The following PSPH variants were observed in gnomAD, a reference collection of about 807,000 sequenced individuals.
The protein encoded by PSPH is L-3-phosphoserine phosphatase.
Under a neutral mutation model 23.4 loss-of-function variants are expected in PSPH, and 16 were observed. The observed-to-expected ratio is 0.68, with a 90% CI of 0.46 to 1.04. PSPH has a LOEUF of 1.04. Among genes scored for constraint, PSPH ranks in the 50% least tolerant of loss-of-function variants. The pLI is 0.00. For missense variants in PSPH, 223 were observed against 273.7 expected, an observed-to-expected ratio of 0.81 and a Z score of 1.31; for synonymous variants, 68 against 99.7, an observed-to-expected ratio of 0.68 and a Z score of 1.89.
At chr7:56,019,017 C>T (rs1351656543) in intron 5 of PSPH, among the ~76,000 whole-genome samples, 1 of 151,088 alleles carries the variant, frequency 6.6e-6, no homozygotes, top group East Asian at 1.9e-4. Context: ...GTGGCATGCA[C>T]CTGTAGTCCC....
chr7:56,028,041 C>G (rs1790462499), intron 3 of PSPH, among the ~76,000 whole-genome samples: 1 of 149,728 alleles, frequency 6.7e-6, no homozygotes, highest in Non-Finnish European at 1.5e-5. Context: ...AGAGTGAGAC[C>G]CTGCCTCAAA....
intron 4 of PSPH, 110 bp downstream of exon 4, chr7:56,020,963 G>T: frequency 7.6e-7 from 1 of 1,314,486 alleles, no homozygotes; most frequent in Non-Finnish European, 1.1e-6. Context: ...AGGAATGAAA[G>T]AAAAAGCCTA....
chr7:56,018,008 C>A (rs927153753), intron 5 of PSPH, among the ~76,000 whole-genome samples: 1 of 151,782 alleles, frequency 6.6e-6, no homozygotes, highest in African/African-American at 2.4e-5. Context: ...CATGCATGAG[C>A]CACCATGCCC....
At chr7:56,037,261 G>C (rs1791843214) in intron 1 of PSPH, among the ~76,000 whole-genome samples, 1 of 150,584 alleles carries the variant, frequency 6.6e-6, no homozygotes, top group Non-Finnish European at 1.5e-5. Context: ...TGAAGACAAA[G>C]GCATAATTAC....
At chr7:56,020,675 G>A (rs564123082) in intron 4 of PSPH, among the ~76,000 whole-genome samples, 24 of 150,700 alleles carry the variant, frequency 1.6e-4, no homozygotes, top group African/African-American at 4.9e-4. Context: ...GACTGGGACT[G>A]CAGAGGGAGG....
At chr7:56,039,178 T>C (rs1437570309) in intron 1 of PSPH, among the ~76,000 whole-genome samples, 2 of 147,676 alleles carry the variant, frequency 1.4e-5, no homozygotes, top group East Asian at 4.0e-4. Flanking sequence ...ATGACACATA[T>C]ATAAGAATTC....
chr7:56,047,868 A>T (rs919765202), intron 1 of PSPH, among the ~76,000 whole-genome samples: 1 of 152,096 alleles, frequency 6.6e-6, no homozygotes, highest in Non-Finnish European at 1.5e-5. Context: ...GTGTTGCACC[A>T]TGTTGGCCAG....
intron 1 of PSPH, among the ~76,000 whole-genome samples, chr7:56,042,971 G>T (rs1792748700): frequency 6.6e-6 from 1 of 152,094 alleles, no homozygotes; most frequent in Admixed American, 6.6e-5. Flanking sequence ...TGAAATTAGA[G>T]AAAAAATGAT....
chr7:56,034,281 G>A lies in PSPH; in HGVS notation c.-291-175C>T, dbSNP rs533515105. 3 of 152,332 alleles carry A rather than the reference G, an allele frequency of 2.0e-5. No homozygotes were observed. The South Asian group carries it at 6.2e-4, about 32-fold the overall frequency. 9.4% of individuals were successfully genotyped at this position (152,332 alleles called of 1,614,324 possible). A position where few individuals can be genotyped will look rare whatever the true frequency, so the allele number is the denominator to read the frequency against. On this transcript the variant is annotated intron_variant, in intron 1 of 7. Transcript: ENST00000275605. ...GGGGCTCAGCCCCTGCAGTCTGAGA[G>A]GTGCACGGTGCCTGTGGCACCTCCG...
Position 56,017,320 on chromosome 7 carries a change from A to G in PSPH, c.335T>C (p.Phe112Ser), listed in dbSNP as rs1295866707. The change falls in exon 6 of 8, where the codon TTT becomes TCT. Residue 112 changes from phenylalanine (F) to serine (S), a missense_variant. Coordinates refer to ENST00000275605, the MANE Select transcript of PSPH (RefSeq NM_004577.4). Reference sequence around the variant, plus strand: ...AGCAACATGCTCTACAATACTCCTAAAGCCACCAGATATTAGGAAAACCTG... The same window carrying G: ...AGCAACATGCTCTACAATACTCCTAGAGCCACCAGATATTAGGAAAACCTG... ...NVQVFLISGG[F>S]RSIVEHVASK... The G allele has an allele frequency of 1.2e-6, 2 of 1,613,856 alleles. No individual in the cohort carries two copies. The highest frequency in any genetic ancestry group is 4.5e-5 in the East Asian group (2 of 44,866).
At chr7:56,038,255 G>A (rs1481358128) in intron 1 of PSPH, among the ~76,000 whole-genome samples, 4 of 146,546 alleles carry the variant, frequency 2.7e-5, no homozygotes, top group African/African-American at 1.0e-4. Context: ...TGGCTAACAC[G>A]GTGAAACCCC....
intron 1 of PSPH, among the ~76,000 whole-genome samples, chr7:56,038,820 G>A (rs1792084217): frequency 1.3e-5 from 2 of 151,814 alleles, no homozygotes; most frequent in South Asian, 2.1e-4. Flanking sequence ...CAGCCTGGGT[G>A]ACAGAGTGAG....
rs201419960 is a variant in PSPH at position 56,021,085 on chromosome 7, G to A, written c.128C>T (p.Ala43Val). ...ATGCTATCCCTACATTTCTGACACC[G>A]CGTCCTCAACGCCACAGATTTTGGC... ...ELAKICGVED[A>V]VSEMTRRAMG... Residue 43 changes from alanine to valine, a missense_variant, in exon 4 of 8, where the codon GCG (alanine) becomes GTG (valine). Coordinates refer to ENST00000275605, the MANE Select transcript of PSPH (RefSeq NM_004577.4). 39 of 1,613,828 alleles carry A rather than the reference G, an allele frequency of 2.4e-5. No homozygotes were observed. Among genetic ancestry groups the A allele is most frequent in the Middle Eastern group, 1.6e-4 (1 of 6,062 alleles).
intron 6 of PSPH, among the ~76,000 whole-genome samples, chr7:56,016,036 C>A (rs759540835): frequency 3.3e-5 from 5 of 151,932 alleles, no homozygotes; most frequent in Non-Finnish European, 5.9e-5. Flanking sequence ...TCAATTATTT[C>A]TATTTTTACA....
At position 56,051,408 on chromosome 7, in the gene PSPH, A is replaced by C. The variant is rs1794023476; in HGVS notation, c.-562T>G. Reference sequence around the variant, plus strand: ...ACTCGCGTGTGGCCCCACGGCACCTAGGGCACCGTCGAGCACACGGTCCGG... The same window carrying C: ...ACTCGCGTGTGGCCCCACGGCACCTCGGGCACCGTCGAGCACACGGTCCGG... On this transcript the variant is annotated 5_prime_UTR_variant, in exon 1 of 8. Coordinates refer to ENST00000275605, the MANE Select transcript of PSPH (RefSeq NM_004577.4). 5.0e-6 allele frequency: 1 copy of C among 200,252 alleles called. No individual in the cohort carries two copies. The highest frequency in any genetic ancestry group is 2.4e-5 in the African/African-American group (1 of 41,770). The allele number at this position is 200,252 out of a possible 1,614,324, so 12.4% of individuals were successfully genotyped here.
In PSPH at chr7:56,051,348, A is replaced by G. The variant is rs1794016966; in HGVS notation, c.-502T>C. On this transcript the variant is annotated 5_prime_UTR_variant, in exon 1 of 8. Coordinates refer to ENST00000275605, the MANE Select transcript of PSPH (RefSeq NM_004577.4). ...TATCTTCATCTTCGCTAGGCCTCAC[A>G]GCACCGCATGATTCCGGGGGAGGGT... 2 of 175,106 alleles carry G rather than the reference A, an allele frequency of 1.1e-5. No homozygotes were observed. Among genetic ancestry groups the G allele is most frequent in the South Asian group, 1.1e-4 (1 of 9,126 alleles). 10.8% of individuals were successfully genotyped at this position (175,106 alleles called of 1,614,324 possible).
Position 56,011,868 on chromosome 7 carries a change from T to C in PSPH, c.572A>G (p.Asp191Gly). ...ATDMEACPPA[D>G]AFIGFGGNVI... ...ATTTCCTCCAAATCCAATGAAAGCA[T>C]CCTAAGAAGGAAGAAAAGAGAGAGA... is the stretch of plus-strand genomic sequence containing the variant. Residue 191 changes from aspartate (D) to glycine (G), a missense_variant and splice_region_variant, in exon 8 of 8, where the codon GAT becomes GGT. By Grantham distance (94) the Asp-to-Gly change is moderately conservative. Transcript: ENST00000275605. 6.2e-7 allele frequency: 1 copy of C among 1,600,862 alleles called. No individual in the cohort carries two copies. The highest frequency in any genetic ancestry group is 8.6e-7 in the Non-Finnish European group (1 of 1,168,214).
intron 3 of PSPH, among the ~76,000 whole-genome samples, 178 bp downstream of exon 3, chr7:56,031,751 T>C (rs182822497): frequency 1.3e-3 from 195 of 152,072 alleles, no homozygotes; most frequent in Admixed American, 3.2e-3. Context: ...GAGGTGGAGG[T>C]TGCAGTAAGC....
At chr7:56,019,172 T>A (rs1788979167) in intron 5 of PSPH, among the ~76,000 whole-genome samples, 2 of 152,084 alleles carry the variant, frequency 1.3e-5, no homozygotes, top group South Asian at 4.1e-4. Flanking sequence ...CCGGGTGCAG[T>A]GGCTCACAGC....
Sources: allele counts gnomAD v4.1 joint callset (sites outside exome capture counted in the v4.1 genomes callset), GRCh38; gene constraint gnomAD v4.1.1; transcripts MANE v1.5; gene names NCBI Gene and HGNC (gene_info 2026-07-23, HGNC 2026-07-21).